The following RNF220 variants were observed in gnomAD, a reference collection of about 807,000 sequenced individuals.
RNF220 encodes the protein ring finger protein 220.
A neutral mutation model predicts 67.1 loss-of-function variants in RNF220; 7 were observed. That is an observed-to-expected ratio of 0.10 (90% confidence interval 0.06 to 0.20). RNF220 has a LOEUF of 0.20. RNF220 is among the 10% of genes least tolerant of loss of function. The probability of loss-of-function intolerance (pLI) is 1.00; values close to 1 mark genes in which losing one functional copy is unlikely to be tolerated. For synonymous variants in RNF220, 270 were observed against 283.2 expected (o/e 0.95, Z 0.47); for missense variants, 565 against 740.3 (o/e 0.76, Z 2.75).
intron 5 of RNF220, chr1:44,632,140 C>A: frequency 6.5e-7 from 1 of 1,533,704 alleles, no homozygotes; most frequent in Non-Finnish European, 8.8e-7. Context: ...CCCGTTAGAG[C>A]AGCGCCCGGC....
At chr1:44,637,157 C>A (rs1182784438) in intron 8 of RNF220, among the ~76,000 whole-genome samples, 1 of 152,220 alleles carries the variant, frequency 6.6e-6, no homozygotes, top group African/African-American at 2.4e-5. Flanking sequence ...CTTCGTGGGG[C>A]CGTGCTACCT....
chr1:44,488,081 C>T (rs989945411), intron 2 of RNF220, among the ~76,000 whole-genome samples: 6 of 150,890 alleles, frequency 4.0e-5, no homozygotes, highest in Admixed American at 1.3e-4. Flanking sequence ...GGTGATCCTT[C>T]TGCCTCAGTC....
chr1:44,423,836 C>G (rs1399875107), intron 2 of RNF220: 1 of 985,182 alleles, frequency 1.0e-6, no homozygotes, highest in African/African-American at 1.7e-5. Flanking sequence ...GCTTGACTTT[C>G]GCGAGGGAGG....
intron 2 of RNF220, among the ~76,000 whole-genome samples, chr1:44,523,912 C>T (rs1469706492): frequency 1.3e-5 from 2 of 152,200 alleles, no homozygotes; most frequent in Non-Finnish European, 2.9e-5. Context: ...ATTTTAATGG[C>T]ATAGTCCGCT....
At chr1:44,550,260 G>A (rs529878979) in intron 2 of RNF220, among the ~76,000 whole-genome samples, 1 of 152,218 alleles carries the variant, frequency 6.6e-6, no homozygotes, top group African/African-American at 2.4e-5. Context: ...TCGAGAAGAA[G>A]CCCAGATGAC....
rs113662970 is a variant in RNF220, at chr1:44,485,295, C to T, written c.625+72573C>T. Among the ~76,000 whole-genome samples, 239 of 152,280 alleles carry T rather than the reference C, an allele frequency of 1.6e-3. 3 individuals carry two copies. Among genetic ancestry groups the T allele is most frequent in the African/African-American group, 5.4e-3 (225 of 41,560 alleles). ...TTCTCTCCCTCCCCCCAATCTCCTG[C>T]GCCCTGAAAGGAAACAAACTGATGT... On this transcript the variant is annotated intron_variant, in intron 2 of 14. Coordinates refer to ENST00000361799, the MANE Select transcript of RNF220 (RefSeq NM_018150.4).
intron 2 of RNF220, among the ~76,000 whole-genome samples, chr1:44,413,111 C>G (rs775442400): frequency 6.6e-6 from 1 of 152,110 alleles, no homozygotes; most frequent in Admixed American, 6.6e-5. Context: ...TTGCTGTCCT[C>G]GTTATGTTTG....
intron 2 of RNF220, among the ~76,000 whole-genome samples, chr1:44,474,127 C>A (rs1655065017): frequency 6.6e-6 from 1 of 152,036 alleles, no homozygotes; most frequent in Admixed American, 6.6e-5. Flanking sequence ...ATAATCCCAG[C>A]ACTTTGGGAA....
chr1:44,464,120 T>A (rs1654050644), intron 2 of RNF220, among the ~76,000 whole-genome samples: 3 of 152,240 alleles, frequency 2.0e-5, no homozygotes, highest in African/African-American at 7.2e-5. Flanking sequence ...TTTAGAGTCC[T>A]ATGTCAGCAG....
chr1:44,647,908 G>A (rs1644694869), intron 12 of RNF220, among the ~76,000 whole-genome samples: 1 of 152,128 alleles, frequency 6.6e-6, no homozygotes, highest in East Asian at 1.9e-4. Flanking sequence ...TGTGAAACCT[G>A]AGCTGTTCGT....
chr1:44,448,322 G>A (rs945496877), intron 2 of RNF220, among the ~76,000 whole-genome samples: 4 of 152,162 alleles, frequency 2.6e-5, no homozygotes, highest in African/African-American at 9.7e-5. Context: ...CGACATTCTG[G>A]TTTTATACTT....
At chr1:44,480,536 AAAG>A (rs1458624249) in intron 2 of RNF220, among the ~76,000 whole-genome samples, 1 of 152,236 alleles carries the variant, frequency 6.6e-6, no homozygotes, top group African/African-American at 2.4e-5. Flanking sequence ...TGGTAGAGGA[AAAG>A]AAGAAAGGAG....
chr1:44,631,977 A>G, intron 5 of RNF220: 4 of 1,000,960 alleles, frequency 4.0e-6, no homozygotes, highest in Non-Finnish European at 4.8e-6. Flanking sequence ...TAGGGCCAAC[A>G]TGGCCGCCGC....
rs1202678242 is a variant in RNF220 at position 44,417,390 on chromosome 1, A to G, written c.625+4668A>G. 6.6e-6 allele frequency among the ~76,000 whole-genome samples: 1 copy of G among 151,510 alleles called. No individual in the cohort carries two copies. The highest frequency in any genetic ancestry group is 6.6e-5 in the Admixed American group (1 of 15,210). On this transcript the variant is annotated intron_variant, in intron 2 of 14. Coordinates refer to ENST00000361799, the MANE Select transcript of RNF220 (RefSeq NM_018150.4). The surrounding 1 kb of genome is among the most constrained non-coding windows in gnomAD (Gnocchi z 4.0). ...TGTTGGGATAAAGAAATGTTTGCAC[A>G]GCTAAAGTGGGGCCAGGCTGGACGG...
At chr1:44,479,513 A>C (rs751934716) in intron 2 of RNF220, among the ~76,000 whole-genome samples, 2 of 152,142 alleles carry the variant, frequency 1.3e-5, no homozygotes, top group African/African-American at 4.8e-5. Flanking sequence ...AGACTTAAGT[A>C]CTGGGAATGT....
chr1:44,542,189 C>T (rs565333752), intron 2 of RNF220, among the ~76,000 whole-genome samples: 11 of 152,350 alleles, frequency 7.2e-5, no homozygotes, highest in African/African-American at 2.6e-4. Flanking sequence ...GGGAGCTTTA[C>T]AGTGACCATC....
chr1:44,599,778 C>T (rs1379889026), intron 2 of RNF220, among the ~76,000 whole-genome samples: 1 of 152,206 alleles, frequency 6.6e-6, no homozygotes, highest in Non-Finnish European at 1.5e-5. Context: ...CCAGAGCACA[C>T]ACTATTGCAA....
intron 12 of RNF220, chr1:44,648,281 T>C (rs1644702665): frequency 1.3e-5 from 2 of 152,258 alleles, no homozygotes; most frequent in Non-Finnish European, 1.5e-5. Flanking sequence ...GTATATAAAA[T>C]GGAGATATTA....
chr1:44,603,392 C>T (rs909874019), intron 2 of RNF220, among the ~76,000 whole-genome samples: 2 of 152,198 alleles, frequency 1.3e-5, no homozygotes, highest in African/African-American at 4.8e-5. Flanking sequence ...TACGGTGGGC[C>T]AGGCCAGCAG....
Sources: gnomAD v4.1 joint callset for allele counts (sites outside exome capture counted in the v4.1 genomes callset) on GRCh38, gnomAD v4.1.1 for gene constraint, Gnocchi (gnomAD v3.1) non-coding constraint, MANE v1.5 for transcripts, NCBI Gene and HGNC (gene_info 2026-07-23, HGNC 2026-07-21) for gene names.